RTN3: variants seen among roughly 807,000 people sequenced by gnomAD.
RTN3 encodes the protein reticulon-3.
A neutral mutation model predicts 77.8 loss-of-function variants in RTN3; 49 were observed. That is an observed-to-expected ratio of 0.63 (90% confidence interval 0.50 to 0.80). The LOEUF (loss-of-function observed/expected upper bound fraction) is 0.80, where lower values mean the gene tolerates loss of function less well. Ranked by LOEUF, RTN3 falls within the 30% of genes least tolerant of loss-of-function variation. The pLI, the probability that RTN3 is intolerant of heterozygous loss-of-function variation, is 0.00. For missense variants in RTN3, 1,236 were observed against 1,211.9 expected (o/e 1.02, Z -0.29); for synonymous variants, 464 against 446.9 (o/e 1.04, Z -0.48).
chr11:63,704,655 A>G (rs922053088), intron 1 of RTN3, among the ~76,000 whole-genome samples, 196 bp from the exon 2 acceptor site: 1 of 152,150 alleles, frequency 6.6e-6, no homozygotes, highest in African/African-American at 2.4e-5. Context: ...ACTTTTAGAA[A>G]TGCATCTTGA....
intron 2 of RTN3, among the ~76,000 whole-genome samples, chr11:63,709,826 AAG>A (rs1942663931): frequency 6.6e-6 from 1 of 152,174 alleles, no homozygotes; most frequent in Non-Finnish European, 1.5e-5. Flanking sequence ...GGATATGAAA[AAG>A]TAAGTTAGTG....
intron 2 of RTN3, among the ~76,000 whole-genome samples, chr11:63,717,785 G>A (rs183482449): frequency 1.8e-4 from 27 of 151,684 alleles, no homozygotes; most frequent in Non-Finnish European, 2.9e-4. Flanking sequence ...AGGCCAAGGC[G>A]GGTGGATCAC....
intron 3 of RTN3, among the ~76,000 whole-genome samples, chr11:63,729,044 C>A (rs1292917754): frequency 4.0e-5 from 6 of 151,526 alleles, no homozygotes; most frequent in African/African-American, 1.5e-4. Context: ...GGAAAAAAAA[C>A]CTGTCAACCC....
At chr11:63,682,916 G>C (rs1941140636) in intron 1 of RTN3, among the ~76,000 whole-genome samples, 1 of 152,086 alleles carries the variant, frequency 6.6e-6, no homozygotes, top group African/African-American at 2.4e-5. Flanking sequence ...AATGCCTTTT[G>C]TCAAAGGCAG....
At chr11:63,707,022 C>T (rs889753855) in intron 2 of RTN3, among the ~76,000 whole-genome samples, 1 of 151,888 alleles carries the variant, frequency 6.6e-6, no homozygotes, top group African/African-American at 2.4e-5. Context: ...CCTCAGCCTC[C>T]TGAGTAGCTG....
At chr11:63,739,153 T>C (rs2013319575) in intron 3 of RTN3, among the ~76,000 whole-genome samples, 1 of 152,208 alleles carries the variant, frequency 6.6e-6, no homozygotes, top group African/African-American at 2.4e-5. Context: ...CAGACATTCC[T>C]TGTCAGATGT....
At chr11:63,682,484 G>A (rs1320520111) in intron 1 of RTN3, among the ~76,000 whole-genome samples, 1 of 152,132 alleles carries the variant, frequency 6.6e-6, no homozygotes, top group Admixed American at 6.6e-5. Flanking sequence ...GGCTGCATCT[G>A]CAACAGCCTG....
chr11:63,758,491 G>GGAAA lies in RTN3; in HGVS notation c.*293_*296dup. 1 of 713,510 alleles carries GGAAA rather than the reference G, an allele frequency of 1.4e-6. No individual in the cohort carries two copies. The highest frequency in any genetic ancestry group is 1.8e-5 in the African/African-American group (1 of 55,752). The allele number at this position is 713,510 out of a possible 1,614,324, so 44.2% of individuals were successfully genotyped here. A position where few individuals can be genotyped will look rare whatever the true frequency, so the allele number is the denominator to read the frequency against. On this transcript the variant is annotated 3_prime_UTR_variant, in exon 9 of 9. Transcript: ENST00000377819. Reference sequence around the variant, plus strand: ...GAGCCTTTACCTGTAGCTTGAAAGGGGAAAGATTGGAGGTAAGAGAGAAAA... The same window carrying GGAAA: ...GAGCCTTTACCTGTAGCTTGAAAGGGGAAAGAAAGATTGGAGGTAAGAGAGAAAA...
chr11:63,709,106 G>C (rs931645857), intron 2 of RTN3, among the ~76,000 whole-genome samples: 1 of 152,172 alleles, frequency 6.6e-6, no homozygotes, highest in African/African-American at 2.4e-5. Flanking sequence ...TGCCAAAGCC[G>C]TGGTCATAAC....
At position 63,753,470 on chromosome 11, in the gene RTN3, GT is replaced by G. The variant is rs202100472; in HGVS notation, c.2948-184del. The stretch of plus-strand genomic sequence containing the variant: ...GAAGGTAGCCTGTATACCTGAAGAG[GT>G]TTTTTTTGTTTTGTTTTAACACTAC... On this transcript the variant is annotated intron_variant, in intron 6 of 8. Coordinates refer to ENST00000377819, the MANE Select transcript of RTN3 (RefSeq NM_001265589.2). 1.3e-4 allele frequency among the ~76,000 whole-genome samples: 20 copies of G among 152,124 alleles called. No individual in the cohort carries two copies. In the East Asian group the frequency reaches 2.9e-3, roughly 22 times the overall value.
At chr11:63,702,656 G>A (rs1206857890) in intron 1 of RTN3, among the ~76,000 whole-genome samples, 2 of 145,496 alleles carry the variant, frequency 1.4e-5, no homozygotes, top group Non-Finnish European at 3.0e-5. Context: ...TGCTTTTTAA[G>A]CACACTGCAC....
At chr11:63,729,816 G>A (rs1202039217) in intron 3 of RTN3, among the ~76,000 whole-genome samples, 1 of 151,426 alleles carries the variant, frequency 6.6e-6, no homozygotes, top group Admixed American at 6.6e-5. Flanking sequence ...TGGAGACAGG[G>A]TCTCGCTCTG....
intron 1 of RTN3, among the ~76,000 whole-genome samples, chr11:63,700,828 A>G (rs1194545081): frequency 6.6e-6 from 1 of 151,988 alleles, no homozygotes; most frequent in Non-Finnish European, 1.5e-5. Flanking sequence ...TTGGTGGCTC[A>G]CACCTGTAAT....
rs565965830 is a variant in RTN3, at chr11:63,710,191, G to T, written c.199+5284G>T. On this transcript the variant is annotated intron_variant, in intron 2 of 8. Coordinates refer to ENST00000377819, the MANE Select transcript of RTN3 (RefSeq NM_001265589.2). Reference sequence around the variant, plus strand: ...ATGTATTTACTCATAAGTATTTTTTGTTGGTTGTTTCTTTGTTTTTTAAGA... The same window carrying T: ...ATGTATTTACTCATAAGTATTTTTTTTTGGTTGTTTCTTTGTTTTTTAAGA... Among the ~76,000 whole-genome samples, 5 of 152,212 alleles carry T rather than the reference G, an allele frequency of 3.3e-5. No individual in the cohort carries two copies. In the East Asian group the frequency reaches 9.7e-4, roughly 29 times the overall value.
At chr11:63,713,436 A>G (rs1435033620) in intron 2 of RTN3, among the ~76,000 whole-genome samples, 1 of 152,094 alleles carries the variant, frequency 6.6e-6, no homozygotes, top group Non-Finnish European at 1.5e-5. Flanking sequence ...CAGCCTCCCA[A>G]GTAGTCAGGA....
chr11:63,720,145 A>G lies in RTN3; in HGVS notation c.1643A>G (p.Glu548Gly). Residue 548 changes from glutamate (E) to glycine (G), a missense_variant, in exon 3 of 9, where the codon GAA becomes GGA. This residue lies in a region of RTN3 where 1,056 missense variants were observed against 990.4 expected (regional missense o/e 1.07). Coordinates refer to ENST00000377819, the MANE Select transcript of RTN3 (RefSeq NM_001265589.2). ...EIKEIPSCEREEKTSKNFEEL... is the reference protein window; with the variant it reads ...EIKEIPSCERGEKTSKNFEEL... ...AAAGAGATTCCCAGTTGTGAGAGAGAAGAAAAAACATCTAAAAACTTTGAA... is the reference window on the plus strand; with the variant it reads ...AAAGAGATTCCCAGTTGTGAGAGAGGAGAAAAAACATCTAAAAACTTTGAA... 11 of 1,613,852 alleles carry G rather than the reference A, an allele frequency of 6.8e-6. No homozygotes were observed. The highest frequency in any genetic ancestry group is 8.5e-6 in the Non-Finnish European group (10 of 1,179,968).
intron 2 of RTN3, among the ~76,000 whole-genome samples, chr11:63,705,813 C>T (rs942470564): frequency 2.6e-5 from 4 of 152,086 alleles, no homozygotes; most frequent in Non-Finnish European, 4.4e-5. Flanking sequence ...TTTAATCTGT[C>T]AGTCTGTAGG....
chr11:63,702,073 C>A (rs989763225), intron 1 of RTN3, among the ~76,000 whole-genome samples: 11 of 151,900 alleles, frequency 7.2e-5, no homozygotes, highest in African/African-American at 2.7e-4. Context: ...TAGCTATAGC[C>A]CTGTCCTTTA....
chr11:63,748,181 C>T (rs1053902864), intron 3 of RTN3, among the ~76,000 whole-genome samples: 21 of 150,672 alleles, frequency 1.4e-4, no homozygotes, highest in Admixed American at 8.0e-4. Flanking sequence ...AATGTCACTG[C>T]TAGATTGGAG....
Sources: allele counts gnomAD v4.1 joint callset (sites outside exome capture counted in the v4.1 genomes callset), GRCh38; gene constraint gnomAD v4.1.1; regional missense constraint gnomAD v4.1.1; transcripts MANE v1.5; gene names NCBI Gene and HGNC (gene_info 2026-07-23, HGNC 2026-07-21).